NAV2: variants seen among roughly 807,000 people sequenced by gnomAD.
NAV2 encodes neuron navigator 2, also known as helicase, APC down-regulated 1.
A neutral mutation model predicts 223.2 loss-of-function variants in NAV2; 54 were observed. The observed-to-expected ratio is 0.24, with a 90% confidence interval of 0.19 to 0.30. NAV2 has a LOEUF of 0.30. NAV2 is among the 10% of genes least tolerant of loss of function. The pLI, the probability that NAV2 is intolerant of heterozygous loss-of-function variation, is 1.00. For missense variants in NAV2, 2,806 were observed against 3,147.5 expected (o/e 0.89, Z 2.60); for synonymous variants, 1,279 against 1,239.3 (o/e 1.03, Z -0.67).
chr11:19,965,139 T>C (rs2153416516), intron 10 of NAV2, among the ~76,000 whole-genome samples: 1 of 152,152 alleles, frequency 6.6e-6, no homozygotes, highest in Non-Finnish European at 1.5e-5. Flanking sequence ...ATCTCTATGT[T>C]CTAGGAACTC....
intron 24 of NAV2, 101 bp from the exon 25 acceptor site, chr11:20,079,963 G>A (rs2059988689): frequency 3.0e-6 from 4 of 1,343,700 alleles, no homozygotes; most frequent in Admixed American, 4.3e-5. Context: ...AAAACACCCA[G>A]TAGTCCTCAG....
chr11:19,684,048 G>T (rs1183273358), intron 1 of NAV2, among the ~76,000 whole-genome samples: 1 of 152,080 alleles, frequency 6.6e-6, no homozygotes, highest in African/African-American at 2.4e-5. Context: ...TCCCCCAATT[G>T]TTTTAACTTG....
intron 36 of NAV2, among the ~76,000 whole-genome samples, chr11:20,112,682 A>C (rs1456277117): frequency 2.0e-5 from 3 of 152,160 alleles, no homozygotes; most frequent in African/African-American, 7.2e-5. Flanking sequence ...AGGTGGTGTC[A>C]GTCAGGAGGG....
intron 1 of NAV2, among the ~76,000 whole-genome samples, chr11:19,364,672 G>A (rs1448122678): frequency 1.3e-5 from 2 of 152,214 alleles, no homozygotes; most frequent in Non-Finnish European, 2.9e-5. Flanking sequence ...GCACAGGACT[G>A]CAAGAGGGAT....
intron 6 of NAV2, among the ~76,000 whole-genome samples, chr11:19,915,153 A>G (rs1189491721): frequency 2.0e-5 from 3 of 152,198 alleles, no homozygotes; most frequent in Non-Finnish European, 4.4e-5. Flanking sequence ...CATGTGGTAC[A>G]TATTTGTGGA....
chr11:19,608,368 G>A (rs2046537805), intron 1 of NAV2, among the ~76,000 whole-genome samples: 1 of 152,230 alleles, frequency 6.6e-6, no homozygotes, highest in South Asian at 2.1e-4. Context: ...ATGCCACTAT[G>A]AAAAGAAAGC....
At chr11:19,646,614 C>A (rs1444356746) in intron 1 of NAV2, among the ~76,000 whole-genome samples, 1 of 152,022 alleles carries the variant, frequency 6.6e-6, no homozygotes, top group Non-Finnish European at 1.5e-5. Context: ...GGGAGCTTCC[C>A]AGGGTGTGGG....
At chr11:19,522,437 G>A (rs1043063232) in intron 1 of NAV2, among the ~76,000 whole-genome samples, 6 of 152,202 alleles carry the variant, frequency 3.9e-5, no homozygotes, top group African/African-American at 1.4e-4. Flanking sequence ...TAGAGGATGA[G>A]GCCCCACACC....
rs2063392568 is a variant in NAV2 at position 19,884,225 on chromosome 11, A to G, written c.770+4098A>G. On this transcript the variant is annotated intron_variant, in intron 5 of 37. Coordinates refer to ENST00000349880, the MANE Select transcript of NAV2 (RefSeq NM_145117.5). The stretch of plus-strand genomic sequence containing the variant: ...TCCCCATTGTCAGAAGACTCTTAGG[A>G]TTTGTGTGTCTAATGTATCTTCTCT... 3 of 1,175,620 alleles carry G rather than the reference A, an allele frequency of 2.6e-6. No homozygotes were observed. In the South Asian group the frequency reaches 3.9e-5, roughly 15 times the overall value. The allele number at this position is 1,175,620 out of a possible 1,614,324, so 72.8% of individuals were successfully genotyped here.
At chr11:20,061,607 C>A (rs1459832597) in intron 19 of NAV2, among the ~76,000 whole-genome samples, 4 of 150,818 alleles carry the variant, frequency 2.7e-5, no homozygotes, top group African/African-American at 9.7e-5. Context: ...TGGCTGGGGG[C>A]AGGAAGGGTG....
chr11:20,025,557 C>T (rs758623061), intron 11 of NAV2, among the ~76,000 whole-genome samples: 1 of 152,156 alleles, frequency 6.6e-6, no homozygotes, highest in Non-Finnish European at 1.5e-5. Flanking sequence ...GGCTTTCTAA[C>T]GCGACCAAGC....
chr11:20,025,929 T>C (rs962846152), intron 11 of NAV2, among the ~76,000 whole-genome samples: 1 of 152,208 alleles, frequency 6.6e-6, no homozygotes, highest in Non-Finnish European at 1.5e-5. Flanking sequence ...ATGCATGGAC[T>C]CTCTCCCATA....
At chr11:19,711,494 T>C (rs1337347173), upstream of NAV2, 1 of 152,224 alleles carries the variant, frequency 6.6e-6, no homozygotes, top group Non-Finnish European at 1.5e-5. Context: ...AGGGCTCCAC[T>C]GTCTTGACCT....
intron 1 of NAV2, among the ~76,000 whole-genome samples, chr11:19,409,800 G>A (rs1850062183): frequency 6.6e-6 from 1 of 152,114 alleles, no homozygotes; most frequent in Non-Finnish European, 1.5e-5. Context: ...CTCACTTCAG[G>A]TCACACGAAT....
chr11:19,656,089 C>A (rs958710015), intron 1 of NAV2, among the ~76,000 whole-genome samples: 1 of 152,144 alleles, frequency 6.6e-6, no homozygotes, highest in Non-Finnish European at 1.5e-5. Flanking sequence ...CGTGAAGGGG[C>A]TCAGCAGTGT....
chr11:20,049,203 C>G lies in NAV2; in HGVS notation c.4370+8C>G. The G allele has an allele frequency of 1.9e-6, 3 of 1,545,450 alleles. No individual in the cohort carries two copies. Among genetic ancestry groups the G allele is most frequent in the Non-Finnish European group, 2.6e-6 (3 of 1,142,280 alleles). ...GACCACACTGTCAGAAAGGTTGGTG[C>G]TGTGCCTCTGGCTGCCTTTCTCAGA... On this transcript the variant is annotated splice_region_variant and intron_variant, in intron 15 of 37. Coordinates refer to ENST00000349880, the MANE Select transcript of NAV2 (RefSeq NM_145117.5).
At chr11:20,092,656 CA>C (rs1387302216) in intron 28 of NAV2, among the ~76,000 whole-genome samples, 1 of 152,142 alleles carries the variant, frequency 6.6e-6, no homozygotes, top group Admixed American at 6.5e-5. Flanking sequence ...GGCTGACCTG[CA>C]AGCTGAATGC....
intron 22 of NAV2, among the ~76,000 whole-genome samples, chr11:20,076,805 T>C (rs749682148): frequency 7.2e-5 from 11 of 152,206 alleles, no homozygotes; most frequent in Non-Finnish European, 1.5e-4. Flanking sequence ...GCTATTTTAC[T>C]TATAACTGGA....
intron 1 of NAV2, among the ~76,000 whole-genome samples, chr11:19,568,070 G>A (rs548649553): frequency 6.6e-6 from 1 of 152,356 alleles, no homozygotes; most frequent in Admixed American, 6.5e-5. Context: ...CACAGTAGGT[G>A]CTCGGTAAAT....
Sources: gnomAD v4.1 joint callset for allele counts (sites outside exome capture counted in the v4.1 genomes callset) on GRCh38, gnomAD v4.1.1 for gene constraint, MANE v1.5 for transcripts, NCBI Gene and HGNC (gene_info 2026-07-23, HGNC 2026-07-21) for gene names.